PRIM2: variants seen among roughly 807,000 people sequenced by gnomAD.
The protein encoded by PRIM2 is DNA primase large subunit.
Under a neutral mutation model 67.3 loss-of-function variants are expected in PRIM2, and 39 were observed. The observed-to-expected ratio is 0.58, with a 90% confidence interval of 0.45 to 0.76. The LOEUF is 0.76. PRIM2 is among the 30% of genes least tolerant of loss of function. The probability of loss-of-function intolerance (pLI) is 0.00; values close to 1 mark genes in which losing one functional copy is unlikely to be tolerated. For missense variants in PRIM2, 398 were observed against 598.7 expected, an observed-to-expected ratio of 0.66 and a Z score of 3.50; for synonymous variants, 143 against 198.7, an observed-to-expected ratio of 0.72 and a Z score of 2.36.
chr6:57,430,268 T>C (rs1771771985), intron 7 of PRIM2, among the ~76,000 whole-genome samples: 1 of 152,232 alleles, frequency 6.6e-6, no homozygotes, highest in East Asian at 1.9e-4. Flanking sequence ...ATGAATGTTA[T>C]TCTGAAGGGA....
chr6:57,258,422 C>A, the PRIM2 span, among the ~76,000 whole-genome samples: 8 of 151,958 alleles, frequency 5.3e-5, no homozygotes, highest in Admixed American at 5.2e-4. Flanking sequence ...ATTTGGTTAA[C>A]ACTATTTCTG....
Position 57,418,417 on chromosome 6 carries a change from T to TA in PRIM2, c.693+36251dup, listed in dbSNP as rs1771352329. Among the ~76,000 whole-genome samples the TA allele has an allele frequency of 9.0e-4, 115 of 127,228 alleles. 3 individuals are homozygous for TA. Among genetic ancestry groups the TA allele is most frequent in the African/African-American group, 3.5e-3 (111 of 31,954 alleles). The allele number at this position is 127,228 out of a possible 152,430, so 83.5% of individuals were successfully genotyped here. ...TTTTTTTTTTTTTTTTTTTTTTTTT[T>TA]AACAGATTCTCACTCTGTTGCCAGG... On this transcript the variant is annotated intron_variant, in intron 7 of 13. Transcript: ENST00000615550.
At chr6:57,223,393 G>C in the PRIM2 span, among the ~76,000 whole-genome samples, 1 of 152,104 alleles carries the variant, frequency 6.6e-6, no homozygotes, top group Admixed American at 6.5e-5. Flanking sequence ...TTTGGCGCTA[G>C]TTATAAATGC....
At chr6:57,272,829 C>G in the PRIM2 span, among the ~76,000 whole-genome samples, 2 of 152,304 alleles carry the variant, frequency 1.3e-5, no homozygotes, top group South Asian at 2.1e-4. Context: ...CTGATGGTGA[C>G]AAAATCTCTC....
At chr6:57,304,008 T>C in the PRIM2 span, among the ~76,000 whole-genome samples, 2 of 152,192 alleles carry the variant, frequency 1.3e-5, no homozygotes, top group Non-Finnish European at 2.9e-5. Flanking sequence ...TGATGGTTGA[T>C]ATTTTTACTT....
intron 10 of PRIM2, among the ~76,000 whole-genome samples, chr6:57,551,484 G>C (rs1449941562): frequency 6.6e-6 from 1 of 152,172 alleles, no homozygotes; most frequent in Non-Finnish European, 1.5e-5. Flanking sequence ...GAAGTAGATT[G>C]CTTTTCGACT....
At chr6:57,320,598 A>C in intron 3 of PRIM2, 38 bp downstream of exon 3, 1 of 1,302,556 alleles carries the variant, frequency 7.7e-7, no homozygotes, top group Non-Finnish European at 1.1e-6. Flanking sequence ...TTCAGTTTCT[A>C]TGCATTTATG....
At chr6:57,522,325 T>C (rs1234138013) in intron 8 of PRIM2, among the ~76,000 whole-genome samples, 1 of 152,182 alleles carries the variant, frequency 6.6e-6, no homozygotes, top group Non-Finnish European at 1.5e-5. Flanking sequence ...TCTATAGGTA[T>C]ACCTAGTCCT....
chr6:57,237,191 C>T, the PRIM2 span, among the ~76,000 whole-genome samples: 13,127 of 149,358 alleles, frequency 0.088, 808 homozygotes, highest in Non-Finnish European at 0.13. Flanking sequence ...TCTCATGTGT[C>T]TGTTGGCTGC....
chr6:57,472,547 T>C (rs1309265385), intron 7 of PRIM2, among the ~76,000 whole-genome samples: 1 of 152,208 alleles, frequency 6.6e-6, no homozygotes, highest in Non-Finnish European at 1.5e-5. Context: ...ACTTCAGTTA[T>C]CACTTGATGG....
the PRIM2 span, among the ~76,000 whole-genome samples, chr6:57,240,102 T>TGTTTTG: frequency 6.3e-4 from 90 of 143,196 alleles, no homozygotes; most frequent in South Asian, 1.6e-3. Flanking sequence ...TTTTTTTTTT[T>TGTTTTG]TTTTTTTTTT....
At chr6:57,612,627 A>G (rs1253857525) in intron 12 of PRIM2, among the ~76,000 whole-genome samples, 1 of 152,192 alleles carries the variant, frequency 6.6e-6, no homozygotes, top group Non-Finnish European at 1.5e-5. Flanking sequence ...TTGCAGGGTA[A>G]TATCAAAACT....
intron 7 of PRIM2, among the ~76,000 whole-genome samples, chr6:57,456,579 G>A (rs1219776282): frequency 2.6e-5 from 4 of 151,906 alleles, no homozygotes; most frequent in Admixed American, 6.6e-5. Flanking sequence ...TGATCGAATC[G>A]GCTACTGAGG....
chr6:57,589,274 A>G (rs1323764314), intron 10 of PRIM2, among the ~76,000 whole-genome samples: 270 of 152,210 alleles, frequency 1.8e-3, no homozygotes, highest in African/African-American at 6.3e-3. Context: ...ATAGGATGCA[A>G]TTCAGGCCTA....
chr6:57,575,446 T>C (rs1775945870), intron 10 of PRIM2, among the ~76,000 whole-genome samples: 1 of 152,132 alleles, frequency 6.6e-6, no homozygotes, highest in South Asian at 2.1e-4. Flanking sequence ...TGTAAATAGC[T>C]GAGAGGTGTT....
intron 8 of PRIM2, among the ~76,000 whole-genome samples, chr6:57,517,922 G>A (rs1365265146): frequency 6.6e-6 from 1 of 152,144 alleles, no homozygotes; most frequent in Non-Finnish European, 1.5e-5. Flanking sequence ...CAAGTAAACT[G>A]ATGCCACAAG....
chr6:57,295,453 AAG>A, the PRIM2 span, among the ~76,000 whole-genome samples: 1 of 152,214 alleles, frequency 6.6e-6, no homozygotes, highest in Admixed American at 6.5e-5. Context: ...ATTCTATGGA[AAG>A]AGTCCTAAAT....
intron 8 of PRIM2, among the ~76,000 whole-genome samples, chr6:57,522,653 T>C (rs2127464791): frequency 6.6e-6 from 1 of 152,290 alleles, no homozygotes; most frequent in African/African-American, 2.4e-5. Context: ...CACACCCAGC[T>C]CAAAATATTT....
chr6:57,504,365 A>C, intron 7 of PRIM2, among the ~76,000 whole-genome samples: 1 of 152,346 alleles, frequency 6.6e-6, no homozygotes, highest in South Asian at 2.1e-4. Flanking sequence ...TAGATGTCAA[A>C]GGGCAAAATT....
Sources: gnomAD v4.1 joint callset for allele counts (sites outside exome capture counted in the v4.1 genomes callset) on GRCh38, gnomAD v4.1.1 for gene constraint, MANE v1.5 for transcripts, NCBI Gene and HGNC (gene_info 2026-07-23, HGNC 2026-07-21) for gene names.